Variants in RAB8B observed in about 807,000 individuals in gnomAD.
RAB8B encodes the protein RAB8B, member RAS oncogene family.
RAB8B carries 11 observed loss-of-function variants against 32.0 expected under a neutral mutation model. The ratio of observed to expected loss-of-function variants is 0.34; its 90% confidence interval spans 0.22 to 0.57. RAB8B has a LOEUF of 0.57. RAB8B is among the 20% of genes least tolerant of loss of function. The probability of loss-of-function intolerance (pLI) is 0.86; values close to 1 mark genes in which losing one functional copy is unlikely to be tolerated. For synonymous variants in RAB8B, 103 were observed against 89.6 expected (o/e 1.15, Z -0.85); for missense variants, 190 against 258.5 (o/e 0.73, Z 1.82).
chr15:63,258,984 A>G (rs1334391907), intron 5 of RAB8B, among the ~76,000 whole-genome samples: 3 of 152,104 alleles, frequency 2.0e-5, no homozygotes, highest in African/African-American at 4.8e-5. Flanking sequence ...TAGGAAGTCA[A>G]TGTGAATTGG....
intron 1 of RAB8B, among the ~76,000 whole-genome samples, chr15:63,193,223 C>T (rs1306525446): frequency 1.3e-5 from 2 of 152,124 alleles, no homozygotes; most frequent in Non-Finnish European, 2.9e-5. Flanking sequence ...GAGCAAGATT[C>T]TGTCTCTAAA....
chr15:63,253,315 T>C (rs1229761343), intron 3 of RAB8B, among the ~76,000 whole-genome samples: 1 of 152,214 alleles, frequency 6.6e-6, no homozygotes, highest in Non-Finnish European at 1.5e-5. Context: ...TCTTTGTCTA[T>C]GTGTATATGT....
chr15:63,262,047 C>T (rs1182610995), intron 6 of RAB8B, among the ~76,000 whole-genome samples: 1 of 152,068 alleles, frequency 6.6e-6, no homozygotes, highest in African/African-American at 2.4e-5. Context: ...ACATATTCAG[C>T]TATAAGAGTG....
intron 5 of RAB8B, among the ~76,000 whole-genome samples, chr15:63,258,751 A>C (rs959298821): frequency 1.3e-5 from 2 of 152,306 alleles, no homozygotes; most frequent in South Asian, 4.1e-4. Context: ...GTGGCCCATG[A>C]CCAGTTTGAT....
At chr15:63,240,700 A>C (rs1381728726) in intron 1 of RAB8B, among the ~76,000 whole-genome samples, 2 of 151,466 alleles carry the variant, frequency 1.3e-5, no homozygotes, top group Admixed American at 1.3e-4. Context: ...TAAATGCCAT[A>C]GTTCACAGCT....
chr15:63,207,685 G>T lies in RAB8B; in HGVS notation c.124+17937G>T, dbSNP rs190516888. Among the ~76,000 whole-genome samples the T allele has an allele frequency of 2.0e-5, 3 of 151,662 alleles. No individual in the cohort carries two copies. In the East Asian group the frequency reaches 5.8e-4, roughly 29 times the overall value. On this transcript the variant is annotated intron_variant, in intron 1 of 7. Transcript: ENST00000321437. ...AGCGATTCCCTTGCCTCAGCCTCTC[G>T]AGTAGCTGGGACTACAGGTGCGTGC...
At chr15:63,230,994 A>G (rs2166114) in intron 1 of RAB8B, among the ~76,000 whole-genome samples, 150,569 of 152,318 alleles carry the variant, frequency 0.99, 74,443 homozygotes, top group East Asian at 1. Flanking sequence ...TCCCCTCTCT[A>G]CTAAAATGTT....
chr15:63,232,600 G>C (rs988773172), intron 1 of RAB8B, among the ~76,000 whole-genome samples: 3 of 152,138 alleles, frequency 2.0e-5, no homozygotes. Flanking sequence ...TGTCACTGTT[G>C]ACATATATAA....
chr15:63,220,953 A>T (rs2037839591), intron 1 of RAB8B, among the ~76,000 whole-genome samples: 2 of 152,250 alleles, frequency 1.3e-5, no homozygotes, highest in Admixed American at 1.3e-4. Context: ...AACTTAAATG[A>T]AACAACAAAA....
At chr15:63,213,587 G>A (rs1008876548) in intron 1 of RAB8B, among the ~76,000 whole-genome samples, 2 of 151,994 alleles carry the variant, frequency 1.3e-5, no homozygotes, top group African/African-American at 4.8e-5. Flanking sequence ...GTAAATTTAA[G>A]TTGTAATATG....
intron 1 of RAB8B, among the ~76,000 whole-genome samples, chr15:63,221,442 G>A (rs904253525): frequency 6.6e-5 from 10 of 152,206 alleles, no homozygotes; most frequent in Non-Finnish European, 1.3e-4. Flanking sequence ...GGCCATGTCA[G>A]TGGTTACCTT....
At chr15:63,219,004 ATTTTTTTTTTTTTT>A (rs71131152) in intron 1 of RAB8B, among the ~76,000 whole-genome samples, 4 of 94,670 alleles carry the variant, frequency 4.2e-5, no homozygotes, top group African/African-American at 1.6e-4. Flanking sequence ...CCAGCAGTGG[ATTTTTTTTTTTTTT>A]TTTTTTTTTT....
intron 2 of RAB8B, among the ~76,000 whole-genome samples, chr15:63,247,139 A>G (rs1006572654): frequency 6.6e-6 from 1 of 152,180 alleles, no homozygotes; most frequent in Non-Finnish European, 1.5e-5. Flanking sequence ...TGGTTTGTAG[A>G]CAGCTGTCTC....
chr15:63,217,343 G>T (rs569831391), intron 1 of RAB8B, among the ~76,000 whole-genome samples: 1 of 152,158 alleles, frequency 6.6e-6, no homozygotes, highest in South Asian at 2.1e-4. Context: ...GGAATATGGG[G>T]TTTTTCCATT....
At chr15:63,199,259 A>G (rs894963701) in intron 1 of RAB8B, among the ~76,000 whole-genome samples, 1 of 152,192 alleles carries the variant, frequency 6.6e-6, no homozygotes, top group Admixed American at 6.5e-5. Flanking sequence ...TTTGTTAGCA[A>G]TTGGAGTAAA....
At chr15:63,262,362 C>T (rs1308723407) in intron 6 of RAB8B, among the ~76,000 whole-genome samples, 1 of 152,040 alleles carries the variant, frequency 6.6e-6, no homozygotes, top group Non-Finnish European at 1.5e-5. Flanking sequence ...GTTTATGATA[C>T]AATCTCAAAA....
chr15:63,237,101 G>T (rs1278594710), intron 1 of RAB8B, among the ~76,000 whole-genome samples: 1 of 152,160 alleles, frequency 6.6e-6, no homozygotes, highest in Non-Finnish European at 1.5e-5. Flanking sequence ...TGGCTGAATA[G>T]TACTCCATTG....
intron 1 of RAB8B, among the ~76,000 whole-genome samples, chr15:63,244,283 C>T (rs1428511198): frequency 6.6e-6 from 1 of 152,180 alleles, no homozygotes. Flanking sequence ...GGCTTTCCCT[C>T]CCTTACTGTC....
chr15:63,227,084 CTG>C (rs1778191328), intron 1 of RAB8B, among the ~76,000 whole-genome samples: 2 of 152,122 alleles, frequency 1.3e-5, no homozygotes, highest in Non-Finnish European at 2.9e-5. Flanking sequence ...TTAGGGCAAA[CTG>C]TTTTATCAGC....
Sources: allele counts gnomAD v4.1 joint callset (sites outside exome capture counted in the v4.1 genomes callset), GRCh38; gene constraint gnomAD v4.1.1; transcripts MANE v1.5; gene names NCBI Gene and HGNC (gene_info 2026-07-23, HGNC 2026-07-21).